The following SORT1 variants were observed in gnomAD, a reference collection of about 807,000 sequenced individuals.
SORT1 encodes the protein sortilin 1, also known as sortilin.
A neutral mutation model predicts 101.7 loss-of-function variants in SORT1; 39 were observed. The ratio of observed to expected loss-of-function variants is 0.38; its 90% confidence interval spans 0.30 to 0.50. The LOEUF (loss-of-function observed/expected upper bound fraction) is 0.50. Among genes scored for constraint, SORT1 ranks in the 20% least tolerant of loss-of-function variants. SORT1 has a pLI of 0.90. For synonymous variants in SORT1, 396 were observed against 393.7 expected (o/e 1.01, Z -0.07); for missense variants, 878 against 1,040.4 (o/e 0.84, Z 2.15).
intron 15 of SORT1, 47 bp from the exon 16 acceptor site, chr1:109,318,016 C>A (rs376283085): frequency 1.7e-6 from 2 of 1,181,322 alleles, no homozygotes; most frequent in South Asian, 1.2e-5. Flanking sequence ...GCTGGAAGAC[C>A]GTTAAGTGAC....
chr1:109,337,460 C>G (rs1168799518), intron 10 of SORT1, among the ~76,000 whole-genome samples: 1 of 152,078 alleles, frequency 6.6e-6, no homozygotes, highest in African/African-American at 2.4e-5. Context: ...TCAGGCTGGT[C>G]TCCAACTTCT....
chr1:109,378,109 C>A (rs758998872), intron 1 of SORT1, among the ~76,000 whole-genome samples: 2 of 152,000 alleles, frequency 1.3e-5, no homozygotes, highest in Non-Finnish European at 2.9e-5. Context: ...TGGTGGTACA[C>A]ACCTGTAGTT....
At chr1:109,314,126 T>G in intron 19 of SORT1, 69 bp from the exon 20 acceptor site, 3 of 1,609,148 alleles carry the variant, frequency 1.9e-6, no homozygotes, top group Non-Finnish European at 2.6e-6. Context: ...TCACCTAGTT[T>G]CTGGGCTTGC....
chr1:109,390,780 TGTGTGTGTGTGTGTGTGTGC>T (rs1428014138), intron 1 of SORT1, among the ~76,000 whole-genome samples: 7 of 137,190 alleles, frequency 5.1e-5, no homozygotes, highest in African/African-American at 2.1e-4. Context: ...TATGTGTGTG[TGTGTGTGTGTGTGTGTGTGC>T]GCGCGCGCGT....
At chr1:109,355,548 C>T in intron 3 of SORT1, 79 bp from the exon 4 acceptor site, 6 of 707,958 alleles carry the variant, frequency 8.5e-6, no homozygotes, top group South Asian at 6.0e-5. Context: ...CTTTCATTCT[C>T]CCTTTCCACC....
intron 15 of SORT1, among the ~76,000 whole-genome samples, chr1:109,319,235 C>T (rs1647455970): frequency 6.6e-6 from 1 of 152,222 alleles, no homozygotes; most frequent in Non-Finnish European, 1.5e-5. Flanking sequence ...TACCCCATCT[C>T]TCCATAGTGC....
chr1:109,395,062 T>C (rs1450545891), intron 1 of SORT1, among the ~76,000 whole-genome samples: 2 of 151,470 alleles, frequency 1.3e-5, no homozygotes, highest in Non-Finnish European at 2.9e-5. Flanking sequence ...GGCTACTACA[T>C]AACAATTCTT....
chr1:109,370,620 A>G (rs1384313296), intron 1 of SORT1, among the ~76,000 whole-genome samples: 1 of 152,144 alleles, frequency 6.6e-6, no homozygotes, highest in Non-Finnish European at 1.5e-5. Context: ...TAGACAGTTT[A>G]ATAGTTCAGT....
In SORT1 at chr1:109,392,133, T is replaced by C. The variant is rs141016557; in HGVS notation, c.306+5454A>G. ...CTGCAGCCTCAAAACATAGTTCACT[T>C]TCTGTAAAAAAAATTGAGGGGTAGG... On this transcript the variant is annotated intron_variant, in intron 1 of 19. Transcript: ENST00000256637. 1.6e-3 allele frequency among the ~76,000 whole-genome samples: 242 copies of C among 152,266 alleles called. 2 individuals carry two copies. The highest frequency in any genetic ancestry group is 2.9e-3 in the Non-Finnish European group (197 of 68,008).
chr1:109,343,360 A>G (rs569707803), intron 8 of SORT1, among the ~76,000 whole-genome samples: 29 of 151,274 alleles, frequency 1.9e-4, no homozygotes, highest in African/African-American at 2.4e-5. Context: ...ACTCCAGTGG[A>G]TAATTCTCAG....
chr1:109,357,780 C>T (rs1234410430), intron 3 of SORT1, among the ~76,000 whole-genome samples: 1 of 152,176 alleles, frequency 6.6e-6, no homozygotes, highest in Non-Finnish European at 1.5e-5. Context: ...CATACACACA[C>T]ACAGAAAATT....
Position 109,351,106 on chromosome 1 carries a change from C to T in SORT1, c.709-104G>A. 6.1e-6 allele frequency: 5 copies of T among 824,324 alleles called. No individual in the cohort carries two copies. The Admixed American group carries it at 8.9e-5, about 15-fold the overall frequency. 51.1% of individuals were successfully genotyped at this position (824,324 alleles called of 1,614,324 possible). Reference sequence around the variant, plus strand: ...CCAATCATTCAGGACAGGAAAAACACATACTGAAGCTCCATCAGAGCTGCC... The same window carrying T: ...CCAATCATTCAGGACAGGAAAAACATATACTGAAGCTCCATCAGAGCTGCC... On this transcript the variant is annotated intron_variant, in intron 5 of 19. Transcript: ENST00000256637.
chr1:109,371,353 A>G (rs914853274), intron 1 of SORT1, among the ~76,000 whole-genome samples: 1 of 152,222 alleles, frequency 6.6e-6, no homozygotes, highest in Non-Finnish European at 1.5e-5. Context: ...AGTGTCTGAA[A>G]TGACATCAAT....
In SORT1 at chr1:109,313,946, T is replaced by TCG. The variant is rs955272954; in HGVS notation, c.*95_*96dup. The TCG allele has an allele frequency of 6.0e-6, 7 of 1,169,494 alleles. No homozygotes were observed. The African/African-American group carries it at 1.1e-4, about 18-fold the overall frequency. 72.4% of individuals were successfully genotyped at this position (1,169,494 alleles called of 1,614,324 possible). ...AGCAGCAGAAACAGAGCTGGGTCCCTCGCAATGGGAAATTTATTTCCTGAA... is the reference window on the plus strand; with the variant it reads ...AGCAGCAGAAACAGAGCTGGGTCCCTCGCGCAATGGGAAATTTATTTCCTGAA... On this transcript the variant is annotated 3_prime_UTR_variant, in exon 20 of 20. Coordinates refer to ENST00000256637, the MANE Select transcript of SORT1 (RefSeq NM_002959.7).
At chr1:109,392,655 C>T (rs1434497507) in intron 1 of SORT1, 4 of 984,960 alleles carry the variant, frequency 4.1e-6, no homozygotes, top group Admixed American at 6.1e-5. Context: ...CTACTCTCAT[C>T]CCAACCAAAC....
intron 1 of SORT1, 123 bp downstream of exon 1, chr1:109,397,464 C>T: frequency 1.5e-6 from 1 of 655,972 alleles, no homozygotes; most frequent in Non-Finnish European, 1.9e-6. Context: ...GGGGCTGCGG[C>T]CCGGGGGACG....
rs1658783434 is a variant in SORT1 at position 109,312,476 on chromosome 1, G to C, written c.*1567C>G. 6.7e-6 allele frequency: 1 copy of C among 150,272 alleles called. No individual in the cohort carries two copies. The highest frequency in any genetic ancestry group is 2.5e-5 in the African/African-American group (1 of 40,560). 9.3% of individuals were successfully genotyped at this position (150,272 alleles called of 1,614,324 possible). A position where few individuals can be genotyped will look rare whatever the true frequency, so the allele number is the denominator to read the frequency against. ...TGGGGAGGAGAGAACTTAGCCATCTGCTCACATTCTGACTAAAGTTAATTT... is the reference window on the plus strand; with the variant it reads ...TGGGGAGGAGAGAACTTAGCCATCTCCTCACATTCTGACTAAAGTTAATTT... On this transcript the variant is annotated 3_prime_UTR_variant, in exon 20 of 20. Coordinates refer to ENST00000256637, the MANE Select transcript of SORT1 (RefSeq NM_002959.7).
At chr1:109,373,120 T>C (rs1557818384) in intron 1 of SORT1, among the ~76,000 whole-genome samples, 1 of 151,614 alleles carries the variant, frequency 6.6e-6, no homozygotes, top group African/African-American at 2.4e-5. Context: ...GTTTCCAAGA[T>C]ATTGGACACC....
chr1:109,362,437 T>A (rs1192581089), intron 3 of SORT1, among the ~76,000 whole-genome samples: 1 of 152,194 alleles, frequency 6.6e-6, no homozygotes, highest in East Asian at 1.9e-4. Flanking sequence ...AAAATAATCA[T>A]GGACCTGAAA....
Sources: gnomAD v4.1 joint callset for allele counts (sites outside exome capture counted in the v4.1 genomes callset) on GRCh38, gnomAD v4.1.1 for gene constraint, MANE v1.5 for transcripts, NCBI Gene and HGNC (gene_info 2026-07-23, HGNC 2026-07-21) for gene names.